Variants in USP6NL observed in about 807,000 individuals in gnomAD.
The protein encoded by USP6NL is USP6 N-terminal like.
USP6NL carries 26 observed loss-of-function variants against 61.9 expected under a neutral mutation model. That is an observed-to-expected ratio of 0.42 (90% CI 0.31 to 0.58). The LOEUF (loss-of-function observed/expected upper bound fraction) is 0.58, where lower values mean the gene tolerates loss of function less well. USP6NL is among the 20% of genes least tolerant of loss of function. The pLI is 0.16. For synonymous variants in USP6NL, 432 were observed against 390.1 expected (o/e 1.11, Z -1.27); for missense variants, 1,114 against 1,034.3 (o/e 1.08, Z -1.06).
chr10:11,588,113 G>A (rs1838038364), intron 2 of USP6NL, among the ~76,000 whole-genome samples: 2 of 152,204 alleles, frequency 1.3e-5, no homozygotes, highest in Non-Finnish European at 1.5e-5. Context: ...CTGAGGAATA[G>A]TCTATAAAAC....
In USP6NL at chr10:11,461,622, G is replaced by C. The variant is rs2096214557; in HGVS notation, c.*819C>G. 6.6e-6 allele frequency: 1 copy of C among 152,230 alleles called. No individual in the cohort carries two copies. 9.4% of individuals were successfully genotyped at this position (152,230 alleles called of 1,614,324 possible). ...TCTGAGATTCGCAAGAGTCAGACCAGAACAAAGGGCACAAACGCACTAAGA... is the reference window on the plus strand; with the variant it reads ...TCTGAGATTCGCAAGAGTCAGACCACAACAAAGGGCACAAACGCACTAAGA... On this transcript the variant is annotated 3_prime_UTR_variant, in exon 15 of 15. Transcript: ENST00000609104.
chr10:11,524,798 T>C (rs572500463), intron 4 of USP6NL, among the ~76,000 whole-genome samples: 2 of 152,154 alleles, frequency 1.3e-5, no homozygotes, highest in Non-Finnish European at 2.9e-5. Flanking sequence ...AGGAAACCGA[T>C]TAAACAATAC....
At chr10:11,572,444 C>T (rs931248581) in intron 2 of USP6NL, among the ~76,000 whole-genome samples, 5 of 151,524 alleles carry the variant, frequency 3.3e-5, no homozygotes, top group Admixed American at 6.6e-5. Context: ...TTTTGAGATG[C>T]GTATCTGTTC....
At chr10:11,551,487 T>C (rs1329515693) in intron 2 of USP6NL, among the ~76,000 whole-genome samples, 1 of 152,226 alleles carries the variant, frequency 6.6e-6, no homozygotes, top group Non-Finnish European at 1.5e-5. Context: ...CGACATCTAA[T>C]TGGTGGCTCA....
intron 14 of USP6NL, among the ~76,000 whole-genome samples, chr10:11,473,287 G>A (rs1832832322): frequency 6.6e-6 from 1 of 152,230 alleles, no homozygotes. Flanking sequence ...GTGCTGGTGA[G>A]GCAGGAGCCG....
At chr10:11,568,295 T>C (rs1837239712) in intron 2 of USP6NL, among the ~76,000 whole-genome samples, 1 of 151,438 alleles carries the variant, frequency 6.6e-6, no homozygotes. Context: ...AGAATATGAA[T>C]GTCAATGCTC....
rs1238637911 is a variant in USP6NL at position 11,482,244 on chromosome 10, A to G, written c.926-322T>C. ...AAGAGCTTCTTAGAGACAGACACAG[A>G]AAGACTACCTCAGCCGGCATGAGGC... On this transcript the variant is annotated intron_variant, in intron 13 of 14. Coordinates refer to ENST00000609104, the MANE Select transcript of USP6NL (RefSeq NM_014688.5). The surrounding 1 kb of genome is among the most constrained non-coding windows in gnomAD (Gnocchi z 4.0). Among the ~76,000 whole-genome samples, 1 of 152,256 alleles carries G rather than the reference A, an allele frequency of 6.6e-6. No individual in the cohort carries two copies. The highest frequency in any genetic ancestry group is 1.5e-5 in the Non-Finnish European group (1 of 68,040).
At chr10:11,610,053 G>T (rs1248913066) in intron 1 of USP6NL, among the ~76,000 whole-genome samples, 1 of 152,170 alleles carries the variant, frequency 6.6e-6, no homozygotes, top group Non-Finnish European at 1.5e-5. Context: ...GAGTGCCTTT[G>T]TAACAACTCA....
rs1835050325 is a variant in USP6NL, at chr10:11,518,440, T to C, written c.195+95A>G. On this transcript the variant is annotated intron_variant, in intron 5 of 14. Coordinates refer to ENST00000609104, the MANE Select transcript of USP6NL (RefSeq NM_014688.5). The surrounding 1 kb of genome is among the most constrained non-coding windows in gnomAD (Gnocchi z 5.3). The stretch of plus-strand genomic sequence containing the variant: ...TAACAATGACTGTACCATTCCCATA[T>C]AATATGGCACTTAAAATCACAAAGG... 2 of 1,077,292 alleles carry C rather than the reference T, an allele frequency of 1.9e-6. No homozygotes were observed. The highest frequency in any genetic ancestry group is 1.8e-5 in the Admixed American group (1 of 54,534). The allele number at this position is 1,077,292 out of a possible 1,614,324, so 66.7% of individuals were successfully genotyped here.
intron 14 of USP6NL, among the ~76,000 whole-genome samples, chr10:11,477,644 G>C (rs1833027035): frequency 6.6e-6 from 1 of 152,128 alleles, no homozygotes; most frequent in Non-Finnish European, 1.5e-5. Flanking sequence ...CAGACGTTTT[G>C]GTTAACTGCA....
rs1308361825 is a variant in USP6NL, at chr10:11,553,631, A to C, written c.5-26064T>G. Reference sequence around the variant, plus strand: ...AAGATTAGGCTGGGTGTGGTGGCTCATGCCTGTAATCCCGGTACGTTGGAA... The same window carrying C: ...AAGATTAGGCTGGGTGTGGTGGCTCCTGCCTGTAATCCCGGTACGTTGGAA... On this transcript the variant is annotated intron_variant, in intron 2 of 14. Coordinates refer to ENST00000609104, the MANE Select transcript of USP6NL (RefSeq NM_014688.5). This position sits in a 1 kb window ranked among gnomAD's most constrained non-coding sequence, Gnocchi z 4.8. Among the ~76,000 whole-genome samples, 1 of 152,224 alleles carries C rather than the reference A, an allele frequency of 6.6e-6. No homozygotes were observed. Among genetic ancestry groups the C allele is most frequent in the Non-Finnish European group, 1.5e-5 (1 of 68,032 alleles).
intron 6 of USP6NL, 133 bp from the exon 7 acceptor site, chr10:11,501,341 C>T (rs1336235475): frequency 7.6e-6 from 5 of 660,998 alleles, no homozygotes; most frequent in Non-Finnish European, 1.2e-5. Flanking sequence ...TACATTTCAA[C>T]ATGGCACATG....
At chr10:11,504,377 G>A (rs12571504) in intron 6 of USP6NL, among the ~76,000 whole-genome samples, 48,669 of 152,044 alleles carry the variant, frequency 0.32, 8,377 homozygotes, top group East Asian at 0.67. Context: ...CCTTCAACTG[G>A]CAAAGTGGCA....
In USP6NL at chr10:11,587,162, C is replaced by T. The variant is rs769212364; in HGVS notation, c.4+10469G>A. On this transcript the variant is annotated intron_variant, in intron 2 of 14. Transcript: ENST00000609104. The surrounding 1 kb of genome is among the most constrained non-coding windows in gnomAD (Gnocchi z 4.5). ...GTATCATCTAAGACCACCACAGAAA[C>T]AGTACATATGTAGGGGCTCATTAAG... 2.7e-4 allele frequency among the ~76,000 whole-genome samples: 41 copies of T among 152,260 alleles called. No individual in the cohort carries two copies. Among genetic ancestry groups the T allele is most frequent in the Non-Finnish European group, 4.1e-4 (28 of 68,016 alleles).
rs1373968140 is a variant in USP6NL at position 11,463,316 on chromosome 10, C to G, written c.1612G>C (p.Asp538His). ...GAGCCCCGCTTCCCGTCCTCAGCAT[C>G]CAGGGCCTTCATCTTTGGCCGCACG... is the stretch of plus-strand genomic sequence containing the variant. Reference protein sequence around the residue: ...SNVRPKMKALDAEDGKRGSTA... With the variant: ...SNVRPKMKALHAEDGKRGSTA... The change falls in exon 15 of 15, where the codon GAT becomes CAT. Residue 538 changes from aspartate to histidine, a missense_variant. Physicochemically the swap from Asp to His is moderately conservative, Grantham distance 81 (BLOSUM62 -1). Coordinates refer to ENST00000609104, the MANE Select transcript of USP6NL (RefSeq NM_014688.5). This position sits in a 1 kb window ranked among gnomAD's most constrained non-coding sequence, Gnocchi z 6.3. The G allele has an allele frequency of 6.2e-7, 1 of 1,613,936 alleles. No individual in the cohort carries two copies. Among genetic ancestry groups the G allele is most frequent in the Non-Finnish European group, 8.5e-7 (1 of 1,179,882 alleles).
At chr10:11,556,942 GT>G (rs963534057) in intron 2 of USP6NL, among the ~76,000 whole-genome samples, 1 of 152,104 alleles carries the variant, frequency 6.6e-6, no homozygotes, top group African/African-American at 2.4e-5. Context: ...TGAGGACCTG[GT>G]TTTTTTATAT....
At chr10:11,555,449 TATAG>T (rs1395100806) in intron 2 of USP6NL, among the ~76,000 whole-genome samples, 8 of 73,130 alleles carry the variant, frequency 1.1e-4, no homozygotes, top group Non-Finnish European at 1.7e-4. Context: ...TATATATATA[TATAG>T]AGAGAGAGAG....
chr10:11,541,516 T>G (rs975162667), intron 2 of USP6NL, among the ~76,000 whole-genome samples: 3 of 151,818 alleles, frequency 2.0e-5, no homozygotes, highest in African/African-American at 7.3e-5. Flanking sequence ...CTTGGAACAA[T>G]GCAAGAAGGC....
chr10:11,493,711 A>G, intron 7 of USP6NL, among the ~76,000 whole-genome samples: 1 of 152,262 alleles, frequency 6.6e-6, no homozygotes, highest in East Asian at 1.9e-4. Context: ...ATGTTCCAGT[A>G]GAGTAGGTGT....
Sources: gnomAD v4.1 joint callset for allele counts (sites outside exome capture counted in the v4.1 genomes callset) on GRCh38, gnomAD v4.1.1 for gene constraint, Gnocchi (gnomAD v3.1) non-coding constraint, MANE v1.5 for transcripts, NCBI Gene and HGNC (gene_info 2026-07-23, HGNC 2026-07-21) for gene names.